The following PPM1B variants were observed in gnomAD, a reference collection of about 807,000 sequenced individuals.
PPM1B encodes protein phosphatase 1B.
PPM1B carries 22 observed loss-of-function variants against 43.0 expected under a neutral mutation model. The ratio of observed to expected loss-of-function variants is 0.51; its 90% CI spans 0.37 to 0.73. The LOEUF (loss-of-function observed/expected upper bound fraction) is 0.73, where lower values mean the gene tolerates loss of function less well. Among genes scored for constraint, PPM1B ranks in the 30% least tolerant of loss-of-function variants. The probability of loss-of-function intolerance (pLI) is 0.00; values close to 1 mark genes in which losing one functional copy is unlikely to be tolerated. For missense variants in PPM1B, 632 were observed against 584.2 expected, an observed-to-expected ratio of 1.08 and a Z score of -0.84; for synonymous variants, 217 against 197.9, an observed-to-expected ratio of 1.10 and a Z score of -0.81.
chr2:44,245,726 G>T (rs914460145), downstream of PPM1B, among the ~76,000 whole-genome samples: 2 of 152,152 alleles, frequency 1.3e-5, no homozygotes, highest in Non-Finnish European at 2.9e-5. Flanking sequence ...CTCTGTAAAA[G>T]GTGTTCAGTG....
At chr2:44,241,733 AAACAT>A (rs1558438897) in intron 5 of PPM1B, among the ~76,000 whole-genome samples, 1 of 152,092 alleles carries the variant, frequency 6.6e-6, no homozygotes, top group Non-Finnish European at 1.5e-5. Flanking sequence ...CCCTGTCTCA[AAACAT>A]AAAATGTCTT....
chr2:44,234,197 A>G (rs1027750643), downstream of PPM1B: 8 of 983,262 alleles, frequency 8.1e-6, no homozygotes, highest in East Asian at 9.1e-4. Flanking sequence ...CCCCTTCTGT[A>G]CTCTAGAAAT....
At chr2:44,234,547 T>G, downstream of PPM1B, 1 of 981,684 alleles carries the variant, frequency 1.0e-6, no homozygotes, top group Non-Finnish European at 1.2e-6. Context: ...AAAAAAAACT[T>G]TTCCGGCAGG....
chr2:44,172,468 T>C (rs1381728456), intron 1 of PPM1B, among the ~76,000 whole-genome samples: 1 of 152,230 alleles, frequency 6.6e-6, no homozygotes, highest in Non-Finnish European at 1.5e-5. Context: ...TAGTGGCTGA[T>C]CTAACAAGAA....
At chr2:44,224,508 A>C (rs1458471422) in intron 5 of PPM1B, among the ~76,000 whole-genome samples, 3 of 151,692 alleles carry the variant, frequency 2.0e-5, no homozygotes, top group African/African-American at 7.3e-5. Context: ...GTTTCAAAAG[A>C]TAAATATTGC....
At chr2:44,185,462 C>G (rs1668075454) in intron 1 of PPM1B, among the ~76,000 whole-genome samples, 3 of 151,990 alleles carry the variant, frequency 2.0e-5, no homozygotes, top group Admixed American at 2.0e-4. Context: ...GCGACTAAAG[C>G]AAAATACCAC....
chr2:44,240,283 A>G (rs1253212059), intron 5 of PPM1B, among the ~76,000 whole-genome samples: 1 of 145,836 alleles, frequency 6.9e-6, no homozygotes, highest in Non-Finnish European at 1.5e-5. Context: ...TCCTATAATT[A>G]TTTTGTGTGT....
chr2:44,244,223 A>G (rs1168671252), intron 5 of PPM1B: 4 of 1,289,466 alleles, frequency 3.1e-6, no homozygotes, highest in East Asian at 4.8e-5. Context: ...TATCATATCC[A>G]CCAGATGGCA....
At chr2:44,173,761 G>A (rs1264585724) in intron 1 of PPM1B, among the ~76,000 whole-genome samples, 2 of 152,138 alleles carry the variant, frequency 1.3e-5, no homozygotes, top group East Asian at 3.8e-4. Flanking sequence ...TGGCCAACAT[G>A]ATGAAACCCT....
chr2:44,171,600 C>T (rs890870061), intron 1 of PPM1B, among the ~76,000 whole-genome samples: 3 of 152,080 alleles, frequency 2.0e-5, no homozygotes, highest in Non-Finnish European at 4.4e-5. Context: ...GAGGCTGAGG[C>T]GTGTGGATCA....
chr2:44,182,421 G>C (rs776032502), intron 1 of PPM1B, among the ~76,000 whole-genome samples: 2 of 151,830 alleles, frequency 1.3e-5, no homozygotes, highest in Non-Finnish European at 2.9e-5. Context: ...CACCATGCCT[G>C]GCTAATTTTT....
intron 1 of PPM1B, among the ~76,000 whole-genome samples, chr2:44,182,715 T>C (rs1447678572): frequency 6.6e-6 from 1 of 152,228 alleles, no homozygotes; most frequent in East Asian, 1.9e-4. Flanking sequence ...TTCCTAGTTA[T>C]GCTTTCTTTG....
At chr2:44,240,714 C>T (rs1490345431) in intron 5 of PPM1B, among the ~76,000 whole-genome samples, 1 of 145,772 alleles carries the variant, frequency 6.9e-6, no homozygotes, top group African/African-American at 2.5e-5. Flanking sequence ...GCAGATGTTC[C>T]CAAGAAGGAA....
chr2:44,178,034 C>G (rs1667671645), intron 1 of PPM1B, among the ~76,000 whole-genome samples: 1 of 151,602 alleles, frequency 6.6e-6, no homozygotes, highest in African/African-American at 2.4e-5. Context: ...CCTCCCACCT[C>G]AGCCTCCCAA....
At chr2:44,245,934 C>A (rs1007154563), downstream of PPM1B, among the ~76,000 whole-genome samples, 5 of 152,212 alleles carry the variant, frequency 3.3e-5, no homozygotes, top group African/African-American at 1.2e-4. Context: ...AAACTCTGCG[C>A]TTGAATTATC....
At chr2:44,209,084 A>C in intron 2 of PPM1B, 126 bp from the exon 3 acceptor site, 1 of 834,750 alleles carries the variant, frequency 1.2e-6, no homozygotes, top group Middle Eastern at 2.8e-4. Flanking sequence ...TTGGAATAAA[A>C]ATGAATGTGT....
rs779431311 is a variant in PPM1B, at chr2:44,217,944, A to G, written c.965-23A>G. 9 of 1,520,424 alleles carry G rather than the reference A, an allele frequency of 5.9e-6. No homozygotes were observed. The East Asian group carries it at 1.6e-4, about 27-fold the overall frequency. The allele number at this position is 1,520,424 out of a possible 1,614,324, so 94.2% of individuals were successfully genotyped here. Reference sequence around the variant, plus strand: ...TACTGGCTTATCACATTAATTTAGGAACTTTTTTTAAAAAACCTACAGAGA... The same window carrying G: ...TACTGGCTTATCACATTAATTTAGGGACTTTTTTTAAAAAACCTACAGAGA... On this transcript the variant is annotated intron_variant, in intron 3 of 5. Coordinates refer to ENST00000282412, the MANE Select transcript of PPM1B (RefSeq NM_002706.6).
At chr2:44,171,763 G>A (rs941515919) in intron 1 of PPM1B, among the ~76,000 whole-genome samples, 4 of 150,744 alleles carry the variant, frequency 2.7e-5, no homozygotes, top group Admixed American at 2.6e-4. Context: ...TCACGAGGTG[G>A]AGGTTGCAGT....
At chr2:44,210,299 C>T (rs1669399250) in intron 3 of PPM1B, among the ~76,000 whole-genome samples, 1 of 151,162 alleles carries the variant, frequency 6.6e-6, no homozygotes, top group Non-Finnish European at 1.5e-5. Flanking sequence ...TCACTACAGC[C>T]TCAACTCCCT....
Sources: allele counts gnomAD v4.1 joint callset (sites outside exome capture counted in the v4.1 genomes callset), GRCh38; gene constraint gnomAD v4.1.1; transcripts MANE v1.5; gene names NCBI Gene and HGNC (gene_info 2026-07-23, HGNC 2026-07-21).